Variants in LMF1 observed in about 807,000 individuals in gnomAD.
LMF1 encodes the protein transmembrane protein 112.
A neutral mutation model predicts 60.6 loss-of-function variants in LMF1; 68 were observed. That is an observed-to-expected ratio of 1.12 (90% confidence interval 0.92 to 1.37). LMF1 has a LOEUF of 1.37. LMF1 is among the 40% of genes most tolerant of loss of function. LMF1 has a pLI of 0.00. For synonymous variants in LMF1, 418 were observed against 324.7 expected (o/e 1.29, Z -3.09); for missense variants, 948 against 767.2 (o/e 1.24, Z -2.78).
At chr16:939,260 G>A (rs1437287182) in intron 2 of LMF1, among the ~76,000 whole-genome samples, 2 of 152,102 alleles carry the variant, frequency 1.3e-5, no homozygotes, top group African/African-American at 4.8e-5. Context: ...CGCTGTCCCC[G>A]CCGTGAGCAC....
At chr16:898,152 C>T (rs2070714824) in intron 4 of LMF1, among the ~76,000 whole-genome samples, 1 of 152,246 alleles carries the variant, frequency 6.6e-6, no homozygotes, top group Non-Finnish European at 1.5e-5. Flanking sequence ...GGACAAAGCT[C>T]TTCCCTCAGA....
At chr16:980,901 C>T (rs544842746) in intron 1 of LMF1, 2 of 152,090 alleles carry the variant, frequency 1.3e-5, no homozygotes, top group South Asian at 2.1e-4. Flanking sequence ...GGGGCCTCCC[C>T]GCCCCCGAGC....
At chr16:863,646 C>T (rs1002270078) in intron 10 of LMF1, among the ~76,000 whole-genome samples, 1 of 152,086 alleles carries the variant, frequency 6.6e-6, no homozygotes, top group African/African-American at 2.4e-5. Context: ...TTCATGTGAT[C>T]TTGAGCTAGA....
intron 3 of LMF1, among the ~76,000 whole-genome samples, chr16:919,141 T>A (rs1437484721): frequency 6.6e-6 from 1 of 152,104 alleles, no homozygotes; most frequent in African/African-American, 2.4e-5. Flanking sequence ...GGGGACAGTC[T>A]GTTTTCACTC....
intron 4 of LMF1, among the ~76,000 whole-genome samples, chr16:910,581 C>T (rs936737925): frequency 2.0e-5 from 3 of 152,084 alleles, no homozygotes; most frequent in Non-Finnish European, 2.9e-5. Context: ...TGAAATATTT[C>T]GGACACTCCG....
upstream of LMF1, among the ~76,000 whole-genome samples, chr16:975,409 C>T (rs767763220): frequency 1.3e-5 from 2 of 152,264 alleles, no homozygotes; most frequent in South Asian, 4.1e-4. Context: ...CAGAGCCCTG[C>T]GGGCTGAGCT....
intron 3 of LMF1, among the ~76,000 whole-genome samples, chr16:919,790 G>A (rs2071383811): frequency 6.6e-6 from 1 of 152,100 alleles, no homozygotes. Context: ...GCCCTGGGAG[G>A]AGCCTCACGG....
chr16:917,760 T>C (rs188721265), intron 3 of LMF1, among the ~76,000 whole-genome samples: 121 of 152,290 alleles, frequency 7.9e-4, no homozygotes, highest in Admixed American at 2.9e-3. Flanking sequence ...AGTACTGCTG[T>C]GCTCGCCCGG....
intron 3 of LMF1, among the ~76,000 whole-genome samples, chr16:928,311 A>G (rs1041379530): frequency 7.9e-5 from 12 of 152,186 alleles, no homozygotes; most frequent in Admixed American, 3.9e-4. Flanking sequence ...AAGGCCCCAG[A>G]CCAGCTGGCA....
chr16:919,782 C>G (rs1226172133), intron 3 of LMF1, among the ~76,000 whole-genome samples: 1 of 152,054 alleles, frequency 6.6e-6, no homozygotes, highest in Non-Finnish European at 1.5e-5. Flanking sequence ...GCAGGGCCGC[C>G]CTGGGAGGAG....
intron 1 of LMF1, among the ~76,000 whole-genome samples, chr16:955,083 C>T (rs150353688): frequency 0.054 from 3,139 of 58,340 alleles, 134 homozygotes; most frequent in African/African-American, 0.17. Context: ...AATGCGTGCC[C>T]GCAGCAGACG....
At chr16:980,118 T>G in intron 1 of LMF1, 1 of 273,358 alleles carries the variant, frequency 3.7e-6, no homozygotes. Flanking sequence ...CACCGCTGCT[T>G]CCTCTGACCT....
intron 10 of LMF1, among the ~76,000 whole-genome samples, chr16:858,964 C>A (rs2069318753): frequency 1.9e-5 from 1 of 54,010 alleles, no homozygotes; most frequent in Non-Finnish European, 3.0e-5. Context: ...GACGGGTGTG[C>A]AGTGGTGTCA....
intron 10 of LMF1, chr16:855,002 G>A: frequency 2.0e-6 from 1 of 507,546 alleles, no homozygotes; most frequent in Non-Finnish European, 3.6e-6. Context: ...CCCGGGGAAG[G>A]CCAGGAGCTT....
At chr16:969,169 G>A (rs1316573347) in intron 1 of LMF1, among the ~76,000 whole-genome samples, 1 of 152,092 alleles carries the variant, frequency 6.6e-6, no homozygotes, top group Non-Finnish European at 1.5e-5. Flanking sequence ...TTAAAAATTA[G>A]TCAGGCATGG....
chr16:937,894 G>A (rs908332920), intron 2 of LMF1, among the ~76,000 whole-genome samples: 4 of 151,580 alleles, frequency 2.6e-5, no homozygotes, highest in African/African-American at 9.8e-5. Flanking sequence ...CCTGAACCAC[G>A]CCCAGGTTCC....
At position 882,989 on chromosome 16, in the gene LMF1, C is replaced by T. The variant is rs144952802; in HGVS notation, c.730-3252G>A. Among the ~76,000 whole-genome samples, 835 of 134,680 alleles carry T rather than the reference C, an allele frequency of 6.2e-3. 3 individuals are homozygous for T. The highest frequency in any genetic ancestry group is 0.022 in the East Asian group (99 of 4,496). 88.4% of individuals were successfully genotyped at this position (134,680 alleles called of 152,430 possible). A position where few individuals can be genotyped will look rare whatever the true frequency, so the allele number is the denominator to read the frequency against. On this transcript the variant is annotated intron_variant, in intron 5 of 10. Transcript: ENST00000262301. ...GGAGCTGCTCAGCAGAAGAGCTGCCCGGCAGAGCCTATCACAGGACCAGGA... is the reference window on the plus strand; with the variant it reads ...GGAGCTGCTCAGCAGAAGAGCTGCCTGGCAGAGCCTATCACAGGACCAGGA...
intron 10 of LMF1, among the ~76,000 whole-genome samples, chr16:858,566 G>GC (rs1195477293): frequency 3.5e-4 from 8 of 23,074 alleles, no homozygotes; most frequent in East Asian, 1.7e-3. Context: ...GGACGGGTGT[G>GC]AGTGGTGTCT....
At chr16:905,557 T>C (rs2070954642) in intron 4 of LMF1, among the ~76,000 whole-genome samples, 2 of 152,258 alleles carry the variant, frequency 1.3e-5, no homozygotes, top group Non-Finnish European at 2.9e-5. Context: ...GCCATTTGCA[T>C]GTTTCCTTTT....
Sources: gnomAD v4.1 joint callset for allele counts (sites outside exome capture counted in the v4.1 genomes callset) on GRCh38, gnomAD v4.1.1 for gene constraint, MANE v1.5 for transcripts, NCBI Gene and HGNC (gene_info 2026-07-23, HGNC 2026-07-21) for gene names.